PSG2: variants seen among roughly 807,000 people sequenced by gnomAD.
PSG2 encodes the protein pregnancy-specific beta-1-glycoprotein 2.
PSG2 carries 49 observed loss-of-function variants against 36.2 expected under a neutral mutation model. That is an observed-to-expected ratio of 1.35 (90% CI 1.08 to 1.72). The LOEUF (loss-of-function observed/expected upper bound fraction) is 1.72, where lower values mean the gene tolerates loss of function less well. Among genes scored for constraint, PSG2 ranks in the 40% most tolerant of loss-of-function variants. The probability of loss-of-function intolerance (pLI) is 0.00; values close to 1 mark genes in which losing one functional copy is unlikely to be tolerated. For missense variants in PSG2, 605 were observed against 407.2 expected, an observed-to-expected ratio of 1.49 and a Z score of -4.18; for synonymous variants, 261 against 155.6, an observed-to-expected ratio of 1.68 and a Z score of -5.04.
chr19:43,075,378 C>A lies in PSG2; in HGVS notation c.685G>T (p.Asp229Tyr). 6.2e-7 allele frequency: 1 copy of A among 1,613,162 alleles called. No homozygotes were observed. The highest frequency in any genetic ancestry group is 1.1e-5 in the South Asian group (1 of 91,042). Residue 229 changes from aspartate to tyrosine, a missense_variant, in exon 3 of 6, where the codon GAC becomes TAC. Asp to Tyr is a radical substitution (Grantham distance 160). Coordinates refer to ENST00000406487, the MANE Select transcript of PSG2 (RefSeq NM_031246.4). ...IRNSGSASRS[D>Y]PVTLNLLHGP... ...CGGAGGAGATTCAGGGTGACTGGGT[C>A]ACTGCGGCTGGCACTCCCTGAGTTC...
intron 1 of PSG2, chr19:43,082,031 T>C (rs28715951): frequency 0.39 from 58,849 of 152,728 alleles, 13,136 homozygotes; most frequent in African/African-American, 0.6. Flanking sequence ...TTCAATGTGA[T>C]TTTCCTGTTT....
chr19:43,081,110 C>A lies in PSG2; in HGVS notation c.201G>T (p.Trp67Cys), dbSNP rs760127899. The change falls in exon 2 of 6, where the codon TGG (tryptophan) becomes TGT (cysteine). Residue 67 changes from tryptophan to cysteine, a missense_variant. Coordinates refer to ENST00000406487, the MANE Select transcript of PSG2 (RefSeq NM_031246.4). ...NLPQNLTGYI[W>C]YKGQIRDLYH... The stretch of plus-strand genomic sequence containing the variant: ...AGAGGTCCCTGATTTGCCCTTTGTA[C>A]CAGATGTAGCCAGTAAGATTCTGGG... 1 of 1,612,626 alleles carries A rather than the reference C, an allele frequency of 6.2e-7. No individual in the cohort carries two copies. Among genetic ancestry groups the A allele is most frequent in the African/African-American group, 1.3e-5 (1 of 74,112 alleles).
intron 4 of PSG2, among the ~76,000 whole-genome samples, chr19:43,068,399 A>G (rs940445005): frequency 6.6e-6 from 1 of 150,666 alleles, no homozygotes; most frequent in East Asian, 1.9e-4. Context: ...TAATCACACA[A>G]CTGTATTCCA....
chr19:43,064,373 A>T lies in PSG2; in HGVS notation c.*269T>A, dbSNP rs533586389. On this transcript the variant is annotated 3_prime_UTR_variant, in exon 6 of 6. Transcript: ENST00000406487. ...GAAAAAATGTTCATAAATCTGGAGAATGAAACATTCCAAGAATCAGCACAT... is the reference window on the plus strand; with the variant it reads ...GAAAAAATGTTCATAAATCTGGAGATTGAAACATTCCAAGAATCAGCACAT... The T allele has an allele frequency of 8.0e-5, 25 of 312,422 alleles. No individual in the cohort carries two copies. The East Asian group carries it at 1.3e-3, about 17-fold the overall frequency. The allele number at this position is 312,422 out of a possible 1,614,324, so 19.4% of individuals were successfully genotyped here.
rs780188918 is a variant in PSG2, at chr19:43,071,843, G to T, written c.821C>A (p.Thr274Lys). ...TGATTGCTGAAACTTCCCATTAATT[G>T]TCCAAGAATACTGTGCCGGTGGGTT... is the stretch of plus-strand genomic sequence containing the variant. ...NSNPPAQYSW[T>K]INGKFQQSGQ... Residue 274 changes from threonine to lysine, a missense_variant, in exon 4 of 6, where the codon ACA (threonine) becomes AAA (lysine). Transcript: ENST00000406487. 1.2e-6 allele frequency: 2 copies of T among 1,613,150 alleles called. No homozygotes were observed. The highest frequency in any genetic ancestry group is 1.7e-4 in the Middle Eastern group (1 of 6,060).
rs545605902 is a variant in PSG2 at position 43,073,433 on chromosome 19, G to A, written c.710-1479C>T. Among the ~76,000 whole-genome samples the A allele has an allele frequency of 5.9e-5, 9 of 151,800 alleles. 1 individual carries two copies. Among genetic ancestry groups the A allele is most frequent in the African/African-American group, 1.7e-4 (7 of 41,126 alleles). ...CATGTGGATCTTTCCAGAAATACAT[G>A]CGGACATTTGCAAAAGCAGAACTGA... On this transcript the variant is annotated intron_variant, in intron 3 of 5. Coordinates refer to ENST00000406487, the MANE Select transcript of PSG2 (RefSeq NM_031246.4).
chr19:43,072,345 A>G (rs1967831716), intron 3 of PSG2: 1 of 1,612,222 alleles, frequency 6.2e-7, no homozygotes, highest in South Asian at 1.1e-5. Context: ...GAGGAACAAA[A>G]GATACAGAGG....
chr19:43,073,448 A>G (rs1051126479), intron 3 of PSG2, among the ~76,000 whole-genome samples: 1 of 151,536 alleles, frequency 6.6e-6, no homozygotes, highest in South Asian at 2.1e-4. Context: ...CATTTGCAAA[A>G]GCAGAACTGA....
At chr19:43,071,173 AC>A (rs1329333231) in intron 4 of PSG2, among the ~76,000 whole-genome samples, 5 of 151,412 alleles carry the variant, frequency 3.3e-5, no homozygotes, top group African/African-American at 7.3e-5. Flanking sequence ...TGCTGGTCCC[AC>A]CCCAGGTGGA....
At chr19:43,082,215 G>T (rs1172282728) in intron 1 of PSG2, 2 of 279,400 alleles carry the variant, frequency 7.2e-6, no homozygotes, top group East Asian at 1.1e-4. Flanking sequence ...ATCTCGGCAC[G>T]CTGCAACTTC....
rs754737130 is a variant in PSG2 at position 43,080,912 on chromosome 19, T to C, written c.399A>G (p.Gly133=). Residue 133 remains glycine, a synonymous_variant, in exon 2 of 6, where the codon GGA becomes GGG. Coordinates refer to ENST00000406487, the MANE Select transcript of PSG2 (RefSeq NM_031246.4). The part of the protein sequence containing the change: ...HIIKRGDGTR[G]VTGYFTFTLY... ...AGGTGAAGGTGAAATATCCAGTTACTCCTCTAGTCCCATCACCTCGCTTTA... is the reference window on the plus strand; with the variant it reads ...AGGTGAAGGTGAAATATCCAGTTACCCCTCTAGTCCCATCACCTCGCTTTA... 1.2e-6 allele frequency: 2 copies of C among 1,612,456 alleles called. No homozygotes were observed. Among genetic ancestry groups the C allele is most frequent in the African/African-American group, 2.7e-5 (2 of 74,292 alleles).
At chr19:43,080,858 AG>A (rs1308063560) in intron 2 of PSG2, 22 bp downstream of exon 2, 1 of 1,611,878 alleles carries the variant, frequency 6.2e-7, no homozygotes, top group East Asian at 2.2e-5. Context: ...CCCAACACCC[AG>A]GGATCATGTG....
Position 43,066,771 on chromosome 19 carries a change from C to T in PSG2, c.965-171G>A, listed in dbSNP as rs973970394. ...ATTATATTCTTGCAGTTTTTTTTCC[C>T]TCTCACCATGTGTCTCGGTTGGTGA... On this transcript the variant is annotated intron_variant, in intron 4 of 5. Transcript: ENST00000406487. Among the ~76,000 whole-genome samples, 21 of 151,268 alleles carry T rather than the reference C, an allele frequency of 1.4e-4. 2 individuals are homozygous for T. The highest frequency in any genetic ancestry group is 5.1e-4 in the African/African-American group (21 of 40,860).
intron 4 of PSG2, among the ~76,000 whole-genome samples, chr19:43,070,427 G>A (rs182928997): frequency 0.021 from 3,110 of 151,668 alleles, 145 homozygotes; most frequent in East Asian, 0.096. Context: ...TCACACTAGC[G>A]AAAAAATGGA....
intron 3 of PSG2, among the ~76,000 whole-genome samples, chr19:43,072,884 A>G (rs1484881135): frequency 1.3e-5 from 2 of 151,664 alleles, no homozygotes; most frequent in Non-Finnish European, 1.5e-5. Flanking sequence ...ATGGACAGAC[A>G]TGTCAGTGGG....
rs775315788 is a variant in PSG2, at chr19:43,072,253, A to C, written c.710-299T>G. 346 of 1,544,598 alleles carry C rather than the reference A, an allele frequency of 2.2e-4. 6 individuals carry two copies. The highest frequency in any genetic ancestry group is 2.9e-4 in the Non-Finnish European group (328 of 1,140,504). ...TGGCCAGCTTGGATGTCCAGAAGTA[A>C]AGTTGTCTATACTTGGACCGGAGAG... On this transcript the variant is annotated intron_variant, in intron 3 of 5. Coordinates refer to ENST00000406487, the MANE Select transcript of PSG2 (RefSeq NM_031246.4).
intron 2 of PSG2, among the ~76,000 whole-genome samples, chr19:43,075,872 G>A (rs1967888733): frequency 6.6e-6 from 1 of 151,472 alleles, no homozygotes; most frequent in African/African-American, 2.4e-5. Flanking sequence ...CAGCAGCATT[G>A]GGTCATGGAA....
At position 43,080,995 on chromosome 19, in the gene PSG2, A is replaced by G; in HGVS notation, c.316T>C (p.Ser106Pro). 6.2e-7 allele frequency: 1 copy of G among 1,613,062 alleles called. No individual in the cohort carries two copies. The highest frequency in any genetic ancestry group is 8.5e-7 in the Non-Finnish European group (1 of 1,179,696). ...SGRETAYSNA[S>P]LLIQNVTRED... ...CGGGTGACATTCTGGATCAGCAGGG[A>G]TGCATTGGAATATGCTGTTTCTCGT... Residue 106 changes from serine to proline, a missense_variant, in exon 2 of 6, where the codon TCC becomes CCC. Coordinates refer to ENST00000406487, the MANE Select transcript of PSG2 (RefSeq NM_031246.4).
chr19:43,066,537 C>T lies in PSG2; in HGVS notation c.*20G>A. On this transcript the variant is annotated 3_prime_UTR_variant, in exon 5 of 6. Coordinates refer to ENST00000406487, the MANE Select transcript of PSG2 (RefSeq NM_031246.4). ...CATACCTGCCAGTCTTCCTGAAATA[C>T]AGAAATGACATCACAGCTGCTATGT... 6.3e-7 allele frequency: 1 copy of T among 1,581,666 alleles called. No individual in the cohort carries two copies. The highest frequency in any genetic ancestry group is 8.7e-7 in the Non-Finnish European group (1 of 1,151,518).
Sources: gnomAD v4.1 joint callset for allele counts (sites outside exome capture counted in the v4.1 genomes callset) on GRCh38, gnomAD v4.1.1 for gene constraint, MANE v1.5 for transcripts, NCBI Gene and HGNC (gene_info 2026-07-23, HGNC 2026-07-21) for gene names.